AMBN: variants seen among roughly 807,000 people sequenced by gnomAD.
The protein encoded by AMBN is enamel matrix protein.
Under a neutral mutation model 48.0 loss-of-function variants are expected in AMBN, and 54 were observed. That is an observed-to-expected ratio of 1.12 (90% CI 0.90 to 1.41). The LOEUF is 1.41. Among genes scored for constraint, AMBN ranks in the 40% most tolerant of loss-of-function variants. The probability of loss-of-function intolerance (pLI) is 0.00; values close to 1 mark genes in which losing one functional copy is unlikely to be tolerated. For synonymous variants in AMBN, 186 were observed against 190.0 expected (o/e 0.98, Z 0.17); for missense variants, 571 against 547.3 (o/e 1.04, Z -0.43).
At chr4:70,598,001 G>A (rs891259305) in intron 3 of AMBN, among the ~76,000 whole-genome samples, 2 of 152,016 alleles carry the variant, frequency 1.3e-5, no homozygotes, top group African/African-American at 2.4e-5. Context: ...ACTTGTAAAG[G>A]GCAAAGTAAA....
At chr4:70,600,193 G>A (rs1201283816) in intron 5 of AMBN, among the ~76,000 whole-genome samples, 1 of 152,066 alleles carries the variant, frequency 6.6e-6, no homozygotes, top group Non-Finnish European at 1.5e-5. Flanking sequence ...TGTAATCTCA[G>A]CTACTCTCAG....
chr4:70,601,522 C>G lies in AMBN; in HGVS notation c.399C>G (p.Thr133=). 1 of 1,614,180 alleles carries G rather than the reference C, an allele frequency of 6.2e-7. No individual in the cohort carries two copies. Among genetic ancestry groups the G allele is most frequent in the Non-Finnish European group, 8.5e-7 (1 of 1,180,012 alleles). Residue 133 remains threonine, a synonymous_variant, in exon 6 of 13, where the codon ACC becomes ACG. Transcript: ENST00000322937. ...CTTTTCTCCAGTCTGCTGCTGCAAC[C>G]ACCAACCAGGCCACAGCACTGAAAG... ...LKPFLQSAAA[T]TNQATALKEA...
chr4:70,605,868 A>G (rs566988852), intron 12 of AMBN, among the ~76,000 whole-genome samples: 1 of 152,322 alleles, frequency 6.6e-6, no homozygotes, highest in South Asian at 2.1e-4. Context: ...TTGTTTTGTG[A>G]TGGTAGTACT....
intron 2 of AMBN, 54 bp from the exon 3 acceptor site, chr4:70,596,945 A>G (rs1355380658): frequency 1.3e-6 from 2 of 1,536,496 alleles, no homozygotes; most frequent in Non-Finnish European, 9.0e-7. Context: ...CCCAATGGGC[A>G]TTGAAGGAAG....
At chr4:70,602,771 T>C (rs778820984) in intron 7 of AMBN, 27 bp from the exon 8 acceptor site, 3 of 1,530,510 alleles carry the variant, frequency 2.0e-6, no homozygotes, top group South Asian at 2.5e-5. Flanking sequence ...TTTTTACTGA[T>C]AATTTTAATA....
In AMBN at chr4:70,603,022, T is replaced by A; in HGVS notation, c.648+12T>A. The A allele has an allele frequency of 6.2e-7, 1 of 1,600,218 alleles. No homozygotes were observed. The highest frequency in any genetic ancestry group is 8.5e-7 in the Non-Finnish European group (1 of 1,175,196). On this transcript the variant is annotated intron_variant, in intron 9 of 12. Transcript: ENST00000322937. The stretch of plus-strand genomic sequence containing the variant: ...CACAAGGTTCAACAGTAAGTACAGA[T>A]CTCAATGAGACACTGTCTTGCAAAA...
In AMBN at chr4:70,603,302, C is replaced by G. The variant is rs754440872; in HGVS notation, c.691C>G (p.Gln231Glu). 6.2e-7 allele frequency: 1 copy of G among 1,613,584 alleles called. No homozygotes were observed. Reference protein sequence around the residue: ...ARLISHGPMPQNKQSPLYPGM... With the variant: ...ARLISHGPMPENKQSPLYPGM... ...TTTGATTTCTCACGGACCAATGCCACAAAATAAACAATCTCCAGTAAGTTT... is the reference window on the plus strand; with the variant it reads ...TTTGATTTCTCACGGACCAATGCCAGAAAATAAACAATCTCCAGTAAGTTT... The change falls in exon 10 of 13, where the codon CAA becomes GAA. Residue 231 changes from glutamine to glutamate, a missense_variant. Coordinates refer to ENST00000322937, the MANE Select transcript of AMBN (RefSeq NM_016519.6).
Position 70,601,899 on chromosome 4 carries a change from C to T in AMBN, c.531+245C>T, listed in dbSNP as rs62323405. The T allele has an allele frequency of 7.4e-3, 4,497 of 606,704 alleles. 38 individuals carry two copies. The highest frequency in any genetic ancestry group is 0.018 in the South Asian group (1,172 of 65,852). 37.6% of individuals were successfully genotyped at this position (606,704 alleles called of 1,614,324 possible). A position where few individuals can be genotyped will look rare whatever the true frequency, so the allele number is the denominator to read the frequency against. The stretch of plus-strand genomic sequence containing the variant: ...ATACTGTGCCTATAAAACTGGGTTT[C>T]TTAGTTGCGAAAGATGAAAACTCCC... On this transcript the variant is annotated intron_variant, in intron 6 of 12. Coordinates refer to ENST00000322937, the MANE Select transcript of AMBN (RefSeq NM_016519.6).
intron 2 of AMBN, among the ~76,000 whole-genome samples, chr4:70,596,370 T>C (rs1421854899): frequency 6.6e-6 from 1 of 152,114 alleles, no homozygotes; most frequent in Admixed American, 6.6e-5. Context: ...GTGAACACAT[T>C]AAGTATAATA....
At chr4:70,592,446 A>G (rs1295736046) in intron 1 of AMBN, 73 bp downstream of exon 1, 2 of 1,527,772 alleles carry the variant, frequency 1.3e-6, no homozygotes, top group African/African-American at 1.4e-5. Context: ...CAGCTTTTAT[A>G]AAGAGGATTT....
intron 2 of AMBN, 129 bp from the exon 3 acceptor site, chr4:70,596,870 T>G: frequency 1.6e-6 from 1 of 606,242 alleles, no homozygotes; most frequent in Non-Finnish European, 2.9e-6. Context: ...ACTCAAGTCA[T>G]TTGCATAATA....
At chr4:70,597,086 C>T (rs766326078) in intron 3 of AMBN, 37 bp downstream of exon 3, 29 of 1,562,950 alleles carry the variant, frequency 1.9e-5, no homozygotes, top group Non-Finnish European at 2.3e-5. Flanking sequence ...ATTAACTTTA[C>T]ATTGGTATAT....
chr4:70,593,168 G>A (rs28723656), intron 1 of AMBN, among the ~76,000 whole-genome samples, 159 bp from the exon 2 acceptor site: 310 of 151,966 alleles, frequency 2.0e-3, no homozygotes, highest in African/African-American at 6.9e-3. Context: ...CATACAAATC[G>A]GTTGTTTAGT....
intron 11 of AMBN, among the ~76,000 whole-genome samples, 200 bp downstream of exon 11, chr4:70,603,660 A>G (rs962850031): frequency 1.3e-5 from 2 of 152,062 alleles, no homozygotes; most frequent in Admixed American, 1.3e-4. Flanking sequence ...GCACACGCAC[A>G]CACACGCACA....
chr4:70,594,973 C>A (rs1737356861), intron 2 of AMBN, among the ~76,000 whole-genome samples: 1 of 152,116 alleles, frequency 6.6e-6, no homozygotes, highest in Admixed American at 6.6e-5. Context: ...AGATGGAAAG[C>A]AAAGTACACT....
intron 11 of AMBN, 32 bp from the exon 12 acceptor site, chr4:70,603,845 C>T (rs763562068): frequency 5.0e-6 from 8 of 1,612,488 alleles, no homozygotes; most frequent in South Asian, 1.1e-5. Context: ...GTAGCTGGTT[C>T]GTAATTTGAC....
chr4:70,602,654 G>T lies in AMBN; in HGVS notation c.562G>T (p.Gly188Cys). ...LPGVDFADPQ[G>C]PSLPGMDFPD... ...AGGAGTAGATTTTGCTGATCCACAA[G>T]GTCCATCAGTAAGTACAGATCTCAA... The change falls in exon 7 of 13, where the codon GGT becomes TGT. Residue 188 changes from glycine (G) to cysteine (C), a missense_variant. Transcript: ENST00000322937. 1 of 1,571,318 alleles carries T rather than the reference G, an allele frequency of 6.4e-7. No homozygotes were observed. Among genetic ancestry groups the T allele is most frequent in the Non-Finnish European group, 8.7e-7 (1 of 1,155,512 alleles).
chr4:70,598,115 T>C (rs960500065), intron 3 of AMBN, among the ~76,000 whole-genome samples: 1 of 152,222 alleles, frequency 6.6e-6, no homozygotes, highest in South Asian at 2.1e-4. Context: ...TCCACTTAAA[T>C]AATACTTTTT....
chr4:70,606,894 T>C lies in AMBN; in HGVS notation c.*164T>C, dbSNP rs1397087316. 8 of 716,194 alleles carry C rather than the reference T, an allele frequency of 1.1e-5. No individual in the cohort carries two copies. Among genetic ancestry groups the C allele is most frequent in the African/African-American group, 1.8e-5 (1 of 55,746 alleles). The allele number at this position is 716,194 out of a possible 1,614,324, so 44.4% of individuals were successfully genotyped here. On this transcript the variant is annotated 3_prime_UTR_variant, in exon 13 of 13. Coordinates refer to ENST00000322937, the MANE Select transcript of AMBN (RefSeq NM_016519.6). The stretch of plus-strand genomic sequence containing the variant: ...GTGGCTAGAAATAGTGTAGGTCCCC[T>C]TCTTGCTTTCAATATCTTGTTGAAA...
Sources: gnomAD v4.1 joint callset for allele counts (sites outside exome capture counted in the v4.1 genomes callset) on GRCh38, gnomAD v4.1.1 for gene constraint, MANE v1.5 for transcripts, NCBI Gene and HGNC (gene_info 2026-07-23, HGNC 2026-07-21) for gene names.